The following ICE1 variants were observed in gnomAD, a reference collection of about 807,000 sequenced individuals.
The protein encoded by ICE1 is little elongation complex subunit 1.
Under a neutral mutation model 192.7 loss-of-function variants are expected in ICE1, and 64 were observed. That is an observed-to-expected ratio of 0.33 (90% CI 0.27 to 0.41). The LOEUF (loss-of-function observed/expected upper bound fraction) is 0.41, where lower values mean the gene tolerates loss of function less well. Ranked by LOEUF, ICE1 falls within the 10% of genes least tolerant of loss-of-function variation. ICE1 has a pLI of 1.00. For synonymous variants in ICE1, 1,010 were observed against 984.5 expected (o/e 1.03, Z -0.49); for missense variants, 2,708 against 2,696.0 (o/e 1.00, Z -0.10).
intron 6 of ICE1, 129 bp downstream of exon 6, chr5:5,443,373 A>G (rs1738107570): frequency 9.2e-6 from 5 of 545,364 alleles, no homozygotes; most frequent in Non-Finnish European, 1.6e-5. Context: ...ATGGTCTTGA[A>G]CTAGTTAGTC....
In ICE1 at chr5:5,457,687, G is replaced by A. The variant is rs760607022; in HGVS notation, c.1047G>A (p.Ser349=). 11 of 1,613,472 alleles carry A rather than the reference G, an allele frequency of 6.8e-6. No individual in the cohort carries two copies. The highest frequency in any genetic ancestry group is 1.1e-5 in the South Asian group (1 of 91,038). Residue 349 remains serine (S), a synonymous_variant, in exon 12 of 19, where the codon TCG becomes TCA. Transcript: ENST00000296564. The stretch of plus-strand genomic sequence containing the variant: ...CTCCTCTTCTGTCACCAGTGCCCTC[G>A]CCCCCTCCGATGTCATCACCTCACC... The part of the protein sequence containing the change: ...LPPPLLSPVP[S]PPPMSSPHPG...
At position 5,489,193 on chromosome 5, in the gene ICE1, G is replaced by T; in HGVS notation, c.6664G>T (p.Asp2222Tyr). The change falls in exon 19 of 19, where the codon GAC becomes TAC. Residue 2222 changes from aspartate (D) to tyrosine (Y), a missense_variant. Asp to Tyr is a radical substitution (Grantham distance 160). Around this residue, in one of 2 missense-constraint regions of ICE1, gnomAD observed 342 missense variants for 419.3 expected, o/e 0.82. Coordinates refer to ENST00000296564, the MANE Select transcript of ICE1 (RefSeq NM_015325.3). ...GTTAGCAGCCGTGTATGCTCTTTGTGACTTGAGTCCCAGCAATCCAGCAGA... is the reference window on the plus strand; with the variant it reads ...GTTAGCAGCCGTGTATGCTCTTTGTTACTTGAGTCCCAGCAATCCAGCAGA... ...IQLAAVYALCDLSPSNPAEIS... is the reference protein window; with the variant it reads ...IQLAAVYALCYLSPSNPAEIS... 6.2e-7 allele frequency: 1 copy of T among 1,613,886 alleles called. No individual in the cohort carries two copies. Among genetic ancestry groups the T allele is most frequent in the Non-Finnish European group, 8.5e-7 (1 of 1,179,868 alleles).
intron 10 of ICE1, among the ~76,000 whole-genome samples, chr5:5,450,538 A>G (rs1738384085): frequency 6.6e-6 from 1 of 152,158 alleles, no homozygotes; most frequent in South Asian, 2.1e-4. Context: ...AACTTTCCTG[A>G]GCAGAGAACA....
At chr5:5,480,956 G>C (rs1240942425) in intron 17 of ICE1, among the ~76,000 whole-genome samples, 1 of 152,166 alleles carries the variant, frequency 6.6e-6, no homozygotes, top group Non-Finnish European at 1.5e-5. Flanking sequence ...GTTCAAAACT[G>C]TTTTGCTGAA....
At chr5:5,486,922 G>T in intron 18 of ICE1, 103 bp downstream of exon 18, 4 of 714,950 alleles carry the variant, frequency 5.6e-6, no homozygotes, top group Non-Finnish European at 6.9e-6. Flanking sequence ...TGCTTTGCTT[G>T]CTGCCTCATA....
rs1055282635 is a variant in ICE1, at chr5:5,489,442, A to G, written c.*112A>G. 1.1e-6 allele frequency: 1 copy of G among 941,036 alleles called. No individual in the cohort carries two copies. The highest frequency in any genetic ancestry group is 1.7e-5 in the African/African-American group (1 of 60,014). The allele number at this position is 941,036 out of a possible 1,614,324, so 58.3% of individuals were successfully genotyped here. On this transcript the variant is annotated 3_prime_UTR_variant, in exon 19 of 19. Coordinates refer to ENST00000296564, the MANE Select transcript of ICE1 (RefSeq NM_015325.3). ...TTCAAAACAAAAAGACATAAAATAG[A>G]TAAAACAGACCAGAGGCTCTCCTTA... is the stretch of plus-strand genomic sequence containing the variant.
chr5:5,432,851 T>C (rs1737762292), intron 1 of ICE1, among the ~76,000 whole-genome samples: 1 of 152,228 alleles, frequency 6.6e-6, no homozygotes, highest in African/African-American at 2.4e-5. Context: ...TTTTCAGTTT[T>C]TGTTTACTTC....
At position 5,489,457 on chromosome 5, in the gene ICE1, G is replaced by T. The variant is rs1739728691; in HGVS notation, c.*127G>T. On this transcript the variant is annotated 3_prime_UTR_variant, in exon 19 of 19. Coordinates refer to ENST00000296564, the MANE Select transcript of ICE1 (RefSeq NM_015325.3). ...CATAAAATAGATAAAACAGACCAGA[G>T]GCTCTCCTTATTGTTTGGCAAGGAG... 2 of 803,764 alleles carry T rather than the reference G, an allele frequency of 2.5e-6. No individual in the cohort carries two copies. Among genetic ancestry groups the T allele is most frequent in the African/African-American group, 3.5e-5 (2 of 57,600 alleles). 49.8% of individuals were successfully genotyped at this position (803,764 alleles called of 1,614,324 possible). A position where few individuals can be genotyped will look rare whatever the true frequency, so the allele number is the denominator to read the frequency against.
chr5:5,424,183 G>A (rs1284794123), intron 1 of ICE1, among the ~76,000 whole-genome samples: 2 of 152,182 alleles, frequency 1.3e-5, no homozygotes, highest in Non-Finnish European at 2.9e-5. Flanking sequence ...GAGACCAGAC[G>A]GGAGTGCAGG....
At chr5:5,443,468 G>A (rs1447991592) in intron 6 of ICE1, among the ~76,000 whole-genome samples, 11 of 152,102 alleles carry the variant, frequency 7.2e-5, no homozygotes, top group Admixed American at 7.2e-4. Context: ...ATTGTCATAT[G>A]TTAAAGGGCT....
chr5:5,438,356 T>C (rs761096135), intron 3 of ICE1, among the ~76,000 whole-genome samples: 40 of 152,332 alleles, frequency 2.6e-4, no homozygotes, highest in Non-Finnish European at 4.3e-4. Flanking sequence ...AGCCAGACCA[T>C]ATCATCATTT....
intron 7 of ICE1, 58 bp from the exon 8 acceptor site, chr5:5,447,366 AACC>A (rs1417205922): frequency 1.0e-6 from 1 of 990,342 alleles, no homozygotes; most frequent in Non-Finnish European, 1.5e-6. Context: ...GTATTTCATT[AACC>A]ACAGTAGTAA....
At chr5:5,437,038 C>T (rs1057348984) in intron 2 of ICE1, 42 bp from the exon 3 acceptor site, 2 of 1,242,758 alleles carry the variant, frequency 1.6e-6, no homozygotes, top group African/African-American at 3.0e-5. Flanking sequence ...AGTATATTTT[C>T]TAAATTAAAA....
intron 1 of ICE1, among the ~76,000 whole-genome samples, chr5:5,426,322 G>A (rs947573038): frequency 6.6e-6 from 1 of 152,080 alleles, no homozygotes; most frequent in Non-Finnish European, 1.5e-5. Context: ...GCATGCGCCT[G>A]TAATCCCAGC....
intron 3 of ICE1, 61 bp downstream of exon 3, chr5:5,437,175 A>G (rs1737893230): frequency 1.5e-6 from 2 of 1,293,304 alleles, no homozygotes; most frequent in South Asian, 1.3e-5. Flanking sequence ...AATTCCTGAA[A>G]GAGATGTGAG....
At chr5:5,487,238 G>A (rs1213707659) in intron 18 of ICE1, among the ~76,000 whole-genome samples, 1 of 152,166 alleles carries the variant, frequency 6.6e-6, no homozygotes, top group African/African-American at 2.4e-5. Flanking sequence ...TTAGCATCAA[G>A]GGGGGAGAGC....
intron 1 of ICE1, among the ~76,000 whole-genome samples, chr5:5,426,767 G>T (rs561138899): frequency 6.6e-6 from 1 of 152,290 alleles, no homozygotes; most frequent in African/African-American, 2.4e-5. Flanking sequence ...CAATTCTTTT[G>T]GTCAATTAGT....
At chr5:5,472,904 G>T (rs986627551) in intron 15 of ICE1, among the ~76,000 whole-genome samples, 1 of 152,148 alleles carries the variant, frequency 6.6e-6, no homozygotes, top group Non-Finnish European at 1.5e-5. Context: ...TCCACTCTTA[G>T]GTATTTTCAA....
At chr5:5,450,187 G>A (rs1286069440) in intron 10 of ICE1, among the ~76,000 whole-genome samples, 1 of 152,166 alleles carries the variant, frequency 6.6e-6, no homozygotes, top group Admixed American at 6.5e-5. Flanking sequence ...AAAACTGATT[G>A]CATTTCCTTT....
Sources: allele counts gnomAD v4.1 joint callset (sites outside exome capture counted in the v4.1 genomes callset), GRCh38; gene constraint gnomAD v4.1.1; regional missense constraint gnomAD v4.1.1; transcripts MANE v1.5; gene names NCBI Gene and HGNC (gene_info 2026-07-23, HGNC 2026-07-21).